Variants in NOS2 observed in about 807,000 individuals in gnomAD.
NOS2 encodes the protein nitric oxide synthase 2.
A neutral mutation model predicts 136.0 loss-of-function variants in NOS2; 96 were observed. That is an observed-to-expected ratio of 0.71 (90% CI 0.60 to 0.84). The LOEUF (loss-of-function observed/expected upper bound fraction) is 0.84, where lower values mean the gene tolerates loss of function less well. Among genes scored for constraint, NOS2 ranks in the 40% least tolerant of loss-of-function variants. The pLI is 0.00. For missense variants in NOS2, 1,237 were observed against 1,496.9 expected, an observed-to-expected ratio of 0.83 and a Z score of 2.87; for synonymous variants, 539 against 587.5, an observed-to-expected ratio of 0.92 and a Z score of 1.20.
At chr17:27,788,694 T>G (rs1389946241) in intron 4 of NOS2, 115 bp downstream of exon 4, 2 of 1,330,280 alleles carry the variant, frequency 1.5e-6, no homozygotes, top group Admixed American at 4.4e-5. Context: ...TAGACCCCTT[T>G]GCCCAAGCAG....
intron 2 of NOS2, among the ~76,000 whole-genome samples, chr17:27,793,298 A>G (rs930871313): frequency 6.6e-6 from 1 of 151,942 alleles, no homozygotes; most frequent in Non-Finnish European, 1.5e-5. Flanking sequence ...GCAACTTTCA[A>G]CCCCAGTGCT....
At chr17:27,779,899 A>G (rs547361039) in intron 9 of NOS2, among the ~76,000 whole-genome samples, 3 of 152,332 alleles carry the variant, frequency 2.0e-5, no homozygotes, top group Non-Finnish European at 2.9e-5. Flanking sequence ...TATTCCACAA[A>G]TATTTATAAC....
chr17:27,770,369 G>A (rs1189741931), intron 15 of NOS2, among the ~76,000 whole-genome samples: 4 of 152,126 alleles, frequency 2.6e-5, no homozygotes, highest in East Asian at 3.9e-4. Flanking sequence ...GCCTGTAATC[G>A]CAGCTACTCG....
At chr17:27,793,484 G>T in intron 2 of NOS2, 1 of 392,696 alleles carries the variant, frequency 2.5e-6, no homozygotes, top group East Asian at 3.6e-5. Context: ...ATCCCACAGA[G>T]CGCACATCCC....
chr17:27,759,735 C>A (rs1908052393), intron 25 of NOS2, among the ~76,000 whole-genome samples: 1 of 152,122 alleles, frequency 6.6e-6, no homozygotes, highest in Middle Eastern at 3.2e-3. Flanking sequence ...CAGCCTGGAC[C>A]ACCTCTCCCC....
At chr17:27,786,458 A>G (rs1475415891) in intron 5 of NOS2, among the ~76,000 whole-genome samples, 2 of 152,154 alleles carry the variant, frequency 1.3e-5, no homozygotes, top group Admixed American at 1.3e-4. Context: ...ACAAACAAAC[A>G]AAAAGAAAAC....
chr17:27,774,985 T>C (rs1908616405), intron 11 of NOS2, among the ~76,000 whole-genome samples: 1 of 152,200 alleles, frequency 6.6e-6, no homozygotes, highest in Non-Finnish European at 1.5e-5. Context: ...TTACGGGCTG[T>C]GGGGTCTGAC....
chr17:27,780,633 G>C (rs1396206257), intron 9 of NOS2, 134 bp downstream of exon 9: 1 of 1,133,392 alleles, frequency 8.8e-7, no homozygotes, highest in African/African-American at 1.5e-5. Flanking sequence ...AGTCCTTGAA[G>C]GCCAGCCCCC....
chr17:27,789,494 T>C (rs1280105466), intron 3 of NOS2, 110 bp downstream of exon 3: 4 of 843,506 alleles, frequency 4.7e-6, no homozygotes, highest in Non-Finnish European at 8.0e-6. Context: ...CCACTCTCCA[T>C]CCAAACCCTG....
rs1180881601 is a variant in NOS2, at chr17:27,766,598, A to G, written c.2168-10T>C. The stretch of plus-strand genomic sequence containing the variant: ...TGCATGCTGCTGAGGGCTGTGGAGG[A>G]CACAGAGACGGTGAAATGGCAAAGT... On this transcript the variant is annotated splice_polypyrimidine_tract_variant and intron_variant, in intron 18 of 26. Coordinates refer to ENST00000313735, the MANE Select transcript of NOS2 (RefSeq NM_000625.4). The G allele has an allele frequency of 6.2e-7, 1 of 1,612,744 alleles. No homozygotes were observed. Among genetic ancestry groups the G allele is most frequent in the South Asian group, 1.1e-5 (1 of 91,052 alleles).
rs531186781 is a variant in NOS2, at chr17:27,781,031, G to T, written c.864+5C>A. On this transcript the variant is annotated splice_donor_5th_base_variant and intron_variant, in intron 8 of 26. Coordinates refer to ENST00000313735, the MANE Select transcript of NOS2 (RefSeq NM_000625.4). ...ATGGCCGGTGGCTGAGGCTGGGCCGGGTACCTGAGTGAATTCCACGTTGGC... is the reference window on the plus strand; with the variant it reads ...ATGGCCGGTGGCTGAGGCTGGGCCGTGTACCTGAGTGAATTCCACGTTGGC... The T allele has an allele frequency of 1.9e-6, 3 of 1,612,548 alleles. No individual in the cohort carries two copies. The highest frequency in any genetic ancestry group is 3.3e-5 in the Admixed American group (2 of 59,976).
Position 27,767,731 on chromosome 17 carries a change from T to C in NOS2, c.2141A>G (p.Asp714Gly). ...TTTGCTGAGGTCCAAAGGCTGTGAG[T>C]CCTGCACGAGCCTGTAGTGGTGCGG... The part of the protein sequence containing the change: ...WDPHHYRLVQ[D>G]SQPLDLSKAL... Residue 714 changes from aspartate (D) to glycine (G), a missense_variant, in exon 18 of 27, where the codon GAC (aspartate) becomes GGC (glycine). Asp to Gly is a moderately conservative substitution (Grantham distance 94). Around this residue, in one of 3 missense-constraint regions of NOS2, gnomAD observed 782 missense variants for 909.9 expected, o/e 0.86. Coordinates refer to ENST00000313735, the MANE Select transcript of NOS2 (RefSeq NM_000625.4). The C allele has an allele frequency of 6.2e-7, 1 of 1,613,650 alleles. No homozygotes were observed.
At chr17:27,766,664 G>C in intron 18 of NOS2, 76 bp from the exon 19 acceptor site, 3 of 1,171,248 alleles carry the variant, frequency 2.6e-6, no homozygotes, top group Non-Finnish European at 3.9e-6. Flanking sequence ...AGATGTCTGA[G>C]TCAGTGACAT....
In NOS2 at chr17:27,778,942, G is replaced by C. The variant is rs201620835; in HGVS notation, c.1119C>G (p.Tyr373Ter). 8 of 1,612,704 alleles carry C rather than the reference G, an allele frequency of 5.0e-6. No individual in the cohort carries two copies. Among genetic ancestry groups the C allele is most frequent in the African/African-American group, 1.3e-5 (1 of 74,828 alleles). The change falls in exon 10 of 27, where the codon TAC becomes TAG. Residue 373 changes from tyrosine to a stop codon, truncating the protein, a stop_gained. Transcript: ENST00000313735. LOFTEE classifies it high-confidence loss of function. The stretch of plus-strand genomic sequence containing the variant: ...CCCGGACTCCGATCTCTGTGCCCAT[G>C]TACCAGCCATTGAAGGGGCACCCTG... ...EFPGCPFNGW[Y>*]MGTEIGVRDF...
chr17:27,796,974 G>C (rs1399470553), intron 2 of NOS2, among the ~76,000 whole-genome samples: 1 of 152,148 alleles, frequency 6.6e-6, no homozygotes, highest in Non-Finnish European at 1.5e-5. Context: ...TCCTGCTCAA[G>C]AACCTACAAT....
chr17:27,766,516 G>T lies in NOS2; in HGVS notation c.2240C>A (p.Thr747Lys). ...GCCCTGCACTTTCCCTTACCTGGAT[G>T]TCGGACTTTGTAGATTCTGCCGAGA... ...LKSRQNLQSP[T>K]SSRATILVEL... Residue 747 changes from threonine (T) to lysine (K), a missense_variant, in exon 19 of 27, where the codon ACA becomes AAA. Physicochemically the swap from Thr to Lys is moderately conservative, Grantham distance 78. Coordinates refer to ENST00000313735, the MANE Select transcript of NOS2 (RefSeq NM_000625.4). The T allele has an allele frequency of 6.2e-7, 1 of 1,613,708 alleles. No individual in the cohort carries two copies. The highest frequency in any genetic ancestry group is 1.3e-5 in the African/African-American group (1 of 75,030).
At chr17:27,759,985 G>C in intron 25 of NOS2, 45 bp downstream of exon 25, 1 of 1,461,534 alleles carries the variant, frequency 6.8e-7, no homozygotes, top group Non-Finnish European at 9.1e-7. Context: ...GCTCACAGTG[G>C]AGCTTGTGTG....
chr17:27,770,948 T>C lies in NOS2; in HGVS notation c.1774A>G (p.Thr592Ala). 6.2e-7 allele frequency: 1 copy of C among 1,614,116 alleles called. No individual in the cohort carries two copies. The highest frequency in any genetic ancestry group is 8.5e-7 in the Non-Finnish European group (1 of 1,180,010). Residue 592 changes from threonine to alanine, a missense_variant, in exon 15 of 27, where the codon ACG (threonine) becomes GCG (alanine). By Grantham distance (58) the Thr-to-Ala change is moderately conservative. This residue lies in a region of NOS2 where 782 missense variants were observed against 909.9 expected (regional missense o/e 0.86). Transcript: ENST00000313735. ...CCAGGGCAGTCTCCATTGCCAAACG[T>C]ACTGGTCACCACCAACAGCAGCCGT... ...EERLLLVVTS[T>A]FGNGDCPGNG... is the part of the protein sequence containing the mutation.
At chr17:27,800,081 G>C (rs990011169) in intron 1 of NOS2, among the ~76,000 whole-genome samples, 2 of 152,194 alleles carry the variant, frequency 1.3e-5, no homozygotes, top group African/African-American at 2.4e-5. Flanking sequence ...ATTCTTAGCA[G>C]ATACAAACTC....
Sources: allele counts gnomAD v4.1 joint callset (sites outside exome capture counted in the v4.1 genomes callset), GRCh38; gene constraint gnomAD v4.1.1; regional missense constraint gnomAD v4.1.1; transcripts MANE v1.5; gene names NCBI Gene and HGNC (gene_info 2026-07-23, HGNC 2026-07-21).